The following L3MBTL4 variants were observed in gnomAD, a reference collection of about 807,000 sequenced individuals.
L3MBTL4 encodes the protein L3MBTL histone methyl-lysine binding protein 4.
In L3MBTL4, 70 loss-of-function variants were observed where a neutral mutation model predicts 84.5. The ratio of observed to expected loss-of-function variants is 0.83; its 90% CI spans 0.68 to 1.01. The LOEUF (loss-of-function observed/expected upper bound fraction) is 1.01, where lower values mean the gene tolerates loss of function less well. Among genes scored for constraint, L3MBTL4 ranks in the 50% least tolerant of loss-of-function variants. The probability of loss-of-function intolerance (pLI) is 0.00; values close to 1 mark genes in which losing one functional copy is unlikely to be tolerated. For missense variants in L3MBTL4, 715 were observed against 754.8 expected (o/e 0.95, Z 0.62); for synonymous variants, 274 against 259.8 (o/e 1.05, Z -0.52).
intron 15 of L3MBTL4, chr18:6,082,451 T>A (rs553998327): frequency 6.6e-6 from 1 of 152,068 alleles, no homozygotes; most frequent in Non-Finnish European, 1.5e-5. Flanking sequence ...ACACAGCACA[T>A]AAGGTAAGTA....
chr18:6,191,378 G>A (rs1230091348), intron 12 of L3MBTL4, among the ~76,000 whole-genome samples: 5 of 152,150 alleles, frequency 3.3e-5, no homozygotes, highest in South Asian at 4.2e-4. Context: ...GCTGTGATAG[G>A]AAGCCAGCAG....
At position 6,017,013 on chromosome 18, in the gene L3MBTL4, G is replaced by A. The variant is rs1163269101; in HGVS notation, c.1445-47451C>T. ...GAGTGGTAAATGGCCCAGAGCAGAGGGGGTGGTAAATGGCCCACCTGAGCT... is the reference window on the plus strand; with the variant it reads ...GAGTGGTAAATGGCCCAGAGCAGAGAGGGTGGTAAATGGCCCACCTGAGCT... On this transcript the variant is annotated intron_variant, in intron 16 of 18. Coordinates refer to ENST00000317931, the MANE Select transcript of L3MBTL4 (RefSeq NM_001330559.2). Among the ~76,000 whole-genome samples, 3 of 94,174 alleles carry A rather than the reference G, an allele frequency of 3.2e-5. No individual in the cohort carries two copies. In the East Asian group the frequency reaches 1.3e-3, roughly 41 times the overall value. The allele number at this position is 94,174 out of a possible 152,430, so 61.8% of individuals were successfully genotyped here. A position where few individuals can be genotyped will look rare whatever the true frequency, so the allele number is the denominator to read the frequency against.
chr18:6,160,481 C>G (rs1284501506), intron 13 of L3MBTL4, among the ~76,000 whole-genome samples: 2 of 152,128 alleles, frequency 1.3e-5, no homozygotes, highest in Non-Finnish European at 2.9e-5. Flanking sequence ...CCTGTAATCC[C>G]AACACTTTGG....
chr18:6,082,429 C>T (rs1317989185), intron 15 of L3MBTL4: 1 of 151,994 alleles, frequency 6.6e-6, no homozygotes, highest in Non-Finnish European at 1.5e-5. Context: ...ATGGGTCAAA[C>T]AGGATGCTGG....
intron 1 of L3MBTL4, among the ~76,000 whole-genome samples, chr18:6,412,267 A>T (rs1266777542): frequency 6.6e-6 from 1 of 152,084 alleles, no homozygotes; most frequent in Non-Finnish European, 1.5e-5. Context: ...TGTTGTATAA[A>T]TGGAATTTAT....
At chr18:6,225,678 T>C (rs1217477312) in intron 10 of L3MBTL4, among the ~76,000 whole-genome samples, 1 of 150,450 alleles carries the variant, frequency 6.6e-6, no homozygotes, top group Non-Finnish European at 1.5e-5. Context: ...GAGAAGTGCC[T>C]GAGCCTGGGA....
chr18:6,190,332 T>G (rs1287893973), intron 12 of L3MBTL4, among the ~76,000 whole-genome samples: 1 of 152,218 alleles, frequency 6.6e-6, no homozygotes, highest in Non-Finnish European at 1.5e-5. Context: ...ATGATAGAAA[T>G]GTTCTCTGTT....
intron 16 of L3MBTL4, among the ~76,000 whole-genome samples, chr18:5,972,268 A>G (rs1341993101): frequency 6.6e-6 from 1 of 152,248 alleles, no homozygotes; most frequent in East Asian, 1.9e-4. Flanking sequence ...CATATCAATT[A>G]TACATCATGA....
At chr18:6,174,687 C>A (rs1405028956) in intron 12 of L3MBTL4, among the ~76,000 whole-genome samples, 1 of 150,980 alleles carries the variant, frequency 6.6e-6, no homozygotes, top group Admixed American at 6.6e-5. Flanking sequence ...CTGGCCAACA[C>A]GGTGAAGCCC....
intron 16 of L3MBTL4, among the ~76,000 whole-genome samples, chr18:5,988,780 C>A (rs1004806769): frequency 6.6e-6 from 1 of 152,088 alleles, no homozygotes; most frequent in Non-Finnish European, 1.5e-5. Context: ...GGGCATCTGG[C>A]GATGCCCATA....
chr18:6,175,180 G>A (rs1027429723), intron 12 of L3MBTL4, among the ~76,000 whole-genome samples: 9 of 152,086 alleles, frequency 5.9e-5, no homozygotes, highest in South Asian at 4.1e-4. Flanking sequence ...GAAAGCAACC[G>A]GACACAATGC....
chr18:6,253,861 A>G (rs80124080), intron 5 of L3MBTL4, among the ~76,000 whole-genome samples: 2,483 of 152,334 alleles, frequency 0.016, 55 homozygotes, highest in African/African-American at 0.049. Flanking sequence ...CTGAGTTAAC[A>G]GTGGCACTTA....
intron 1 of L3MBTL4, among the ~76,000 whole-genome samples, chr18:6,376,641 G>C (rs1330663662): frequency 6.6e-6 from 1 of 152,176 alleles, no homozygotes; most frequent in Non-Finnish European, 1.5e-5. Context: ...GGGAGGCTGA[G>C]ATGGGAGGAT....
At chr18:6,004,909 C>T (rs2145312179) in intron 16 of L3MBTL4, among the ~76,000 whole-genome samples, 1 of 145,216 alleles carries the variant, frequency 6.9e-6, no homozygotes, top group Non-Finnish European at 1.5e-5. Context: ...TGACTAACTT[C>T]TGGAGATGGA....
chr18:6,069,404 C>T (rs1015927224), intron 16 of L3MBTL4, among the ~76,000 whole-genome samples: 2 of 152,130 alleles, frequency 1.3e-5, no homozygotes, highest in African/African-American at 2.4e-5. Context: ...GGGATTTAAG[C>T]TTGCCATAAG....
At chr18:6,024,078 T>C (rs2055390948) in intron 16 of L3MBTL4, among the ~76,000 whole-genome samples, 1 of 152,166 alleles carries the variant, frequency 6.6e-6, no homozygotes, top group Non-Finnish European at 1.5e-5. Context: ...GGTTTCACCA[T>C]GTTGGCCAGG....
intron 4 of L3MBTL4, among the ~76,000 whole-genome samples, chr18:6,299,754 C>T (rs1260077009): frequency 3.3e-5 from 5 of 152,148 alleles, no homozygotes; most frequent in African/African-American, 9.7e-5. Flanking sequence ...ACTACAGCCT[C>T]GACCTTCTGA....
intron 16 of L3MBTL4, among the ~76,000 whole-genome samples, chr18:6,032,629 T>C (rs1598493345): frequency 6.6e-6 from 1 of 152,112 alleles, no homozygotes. Flanking sequence ...TCCCTAATGT[T>C]ATGCAACCAT....
At chr18:5,958,119 AAGAAGAAGAAAAAGAAGAAG>A (rs2095241700) in intron 18 of L3MBTL4, among the ~76,000 whole-genome samples, 1 of 52,632 alleles carries the variant, frequency 1.9e-5, no homozygotes, top group Non-Finnish European at 3.8e-5. Context: ...GAAGAAGAAG[AAGAAGAAGAAAAAGAAGAAG>A]AAGAAGAAGA....
Sources: gnomAD v4.1 joint callset for allele counts (sites outside exome capture counted in the v4.1 genomes callset) on GRCh38, gnomAD v4.1.1 for gene constraint, MANE v1.5 for transcripts, NCBI Gene and HGNC (gene_info 2026-07-23, HGNC 2026-07-21) for gene names.